ABCA13: variants seen among roughly 807,000 people sequenced by gnomAD.
ABCA13 encodes ATP-binding cassette sub-family A member 13.
ABCA13 carries 476 observed loss-of-function variants against 478.7 expected under a neutral mutation model. The observed-to-expected ratio is 0.99, with a 90% confidence interval of 0.92 to 1.07. The LOEUF is 1.07. Ranked by LOEUF, ABCA13 falls within the 50% of genes least tolerant of loss-of-function variation. ABCA13 has a pLI of 0.00. For missense variants in ABCA13, 6,060 were observed against 5,910.6 expected (o/e 1.03, Z -0.83); for synonymous variants, 2,252 against 2,158.9 (o/e 1.04, Z -1.20).
chr7:48,196,591 A>G (rs759802812), intron 2 of ABCA13, among the ~76,000 whole-genome samples: 3 of 152,180 alleles, frequency 2.0e-5, no homozygotes, highest in Non-Finnish European at 2.9e-5. Context: ...GCAATGACTA[A>G]AAAATGCCCA....
intron 45 of ABCA13, among the ~76,000 whole-genome samples, chr7:48,479,011 G>C (rs191482972): frequency 0.014 from 1,904 of 140,720 alleles, 43 homozygotes; most frequent in African/African-American, 0.048. Context: ...GCAGTGGCGC[G>C]ATCTTGGCTC....
At chr7:48,216,526 C>T (rs1562798267) in intron 3 of ABCA13, among the ~76,000 whole-genome samples, 1 of 152,148 alleles carries the variant, frequency 6.6e-6, no homozygotes, top group East Asian at 1.9e-4. Flanking sequence ...CACATCTTTC[C>T]CCCCCATTTT....
intron 15 of ABCA13, among the ~76,000 whole-genome samples, chr7:48,264,044 G>T (rs1436718521): frequency 6.6e-6 from 1 of 151,834 alleles, no homozygotes; most frequent in African/African-American, 2.4e-5. Context: ...ATGGACATAT[G>T]CAGTATGTAC....
Position 48,615,273 on chromosome 7 carries a change from CCTT to C in ABCA13, c.14745-8_14745-6del, listed in dbSNP as rs1217940732. The C allele has an allele frequency of 4.1e-6, 6 of 1,454,214 alleles. No individual in the cohort carries two copies. The African/African-American group carries it at 8.4e-5, about 20-fold the overall frequency. 90.1% of individuals were successfully genotyped at this position (1,454,214 alleles called of 1,614,324 possible). A position where few individuals can be genotyped will look rare whatever the true frequency, so the allele number is the denominator to read the frequency against. ...GAAATGGCTCATTTTTGTCTCTTTT[CCTT>C]CTTTACAGCATGGAGGAGTGTGAGG... is the stretch of plus-strand genomic sequence containing the variant. On this transcript the variant is annotated splice_polypyrimidine_tract_variant and intron_variant, in intron 58 of 61. Transcript: ENST00000435803.
chr7:48,188,173 A>G (rs1305403076), intron 1 of ABCA13, among the ~76,000 whole-genome samples: 2 of 152,208 alleles, frequency 1.3e-5, no homozygotes, highest in Non-Finnish European at 2.9e-5. Flanking sequence ...CTGAGATGCA[A>G]TACAACCTTT....
At chr7:48,626,968 G>A in intron 59 of ABCA13, 1 of 985,398 alleles carries the variant, frequency 1.0e-6, no homozygotes, top group Non-Finnish European at 1.2e-6. Flanking sequence ...TTGAGACGGA[G>A]GAATAAGTAG....
At chr7:48,330,756 T>C (rs947991157) in intron 27 of ABCA13, among the ~76,000 whole-genome samples, 1 of 151,784 alleles carries the variant, frequency 6.6e-6, no homozygotes, top group Admixed American at 6.6e-5. Context: ...CATCCATCCA[T>C]CCATCCATCC....
chr7:48,223,744 G>A (rs934391670), intron 5 of ABCA13, among the ~76,000 whole-genome samples: 5 of 151,978 alleles, frequency 3.3e-5, no homozygotes, highest in African/African-American at 1.2e-4. Flanking sequence ...ATCACCTAAG[G>A]TCAGGAGTTC....
chr7:48,570,871 A>G (rs577262964), intron 55 of ABCA13, among the ~76,000 whole-genome samples: 3 of 152,098 alleles, frequency 2.0e-5, no homozygotes, highest in African/African-American at 7.2e-5. Context: ...TATATTTTTC[A>G]TTCCTCTGTT....
At chr7:48,402,032 C>G (rs549426191) in intron 38 of ABCA13, among the ~76,000 whole-genome samples, 87 of 152,264 alleles carry the variant, frequency 5.7e-4, no homozygotes, top group African/African-American at 2.1e-3. Context: ...CTGTGAAGGA[C>G]TGCACAGGTG....
At chr7:48,389,244 A>C (rs1815671024) in intron 37 of ABCA13, 24 bp downstream of exon 37, 2 of 1,591,378 alleles carry the variant, frequency 1.3e-6, no homozygotes, top group Non-Finnish European at 8.6e-7. Context: ...TACCCTTATC[A>C]AACACTGGGC....
intron 19 of ABCA13, among the ~76,000 whole-genome samples, chr7:48,286,421 T>C (rs1212758388): frequency 6.6e-6 from 1 of 152,162 alleles, no homozygotes. Context: ...TGAGTTGAAA[T>C]CATACAATAT....
chr7:48,242,541 G>A (rs1306146017), intron 10 of ABCA13, among the ~76,000 whole-genome samples: 1 of 152,152 alleles, frequency 6.6e-6, no homozygotes, highest in East Asian at 1.9e-4. Flanking sequence ...AGACTCAAGC[G>A]ATTCTCCTGC....
intron 55 of ABCA13, among the ~76,000 whole-genome samples, chr7:48,531,503 G>A (rs1452602533): frequency 6.6e-6 from 1 of 151,726 alleles, no homozygotes; most frequent in Non-Finnish European, 1.5e-5. Context: ...ATGAATTTTA[G>A]GATTTTTTTT....
chr7:48,187,751 A>G (rs1002590332), intron 1 of ABCA13, among the ~76,000 whole-genome samples: 18 of 150,364 alleles, frequency 1.2e-4, no homozygotes, highest in Admixed American at 5.9e-4. Context: ...TTTTTTACTT[A>G]TTTGTTTATA....
intron 27 of ABCA13, among the ~76,000 whole-genome samples, chr7:48,332,007 T>C (rs1184003606): frequency 6.6e-6 from 1 of 152,216 alleles, no homozygotes; most frequent in Non-Finnish European, 1.5e-5. Flanking sequence ...ATGTAACCAT[T>C]TGGGATTGAC....
At position 48,275,911 on chromosome 7, in the gene ABCA13, T is replaced by C; in HGVS notation, c.6245T>C (p.Met2082Thr). ...DFRIRHLLSE[M>T]NKGIKSINSM... ...AGAATCAGACACCTGCTTTCTGAAATGAACAAAGGAATCAAAAGTATAAAT... is the reference window on the plus strand; with the variant it reads ...AGAATCAGACACCTGCTTTCTGAAACGAACAAAGGAATCAAAAGTATAAAT... Residue 2082 changes from methionine to threonine, a missense_variant, in exon 17 of 62, where the codon ATG (methionine) becomes ACG (threonine). Physicochemically the swap from Met to Thr is moderately conservative, Grantham distance 81. Around this residue, in one of 3 missense-constraint regions of ABCA13, gnomAD observed 4,423 missense variants for 4,309.1 expected, o/e 1.03. Transcript: ENST00000435803. 1 of 1,613,646 alleles carries C rather than the reference T, an allele frequency of 6.2e-7. No individual in the cohort carries two copies. Among genetic ancestry groups the C allele is most frequent in the Non-Finnish European group, 8.5e-7 (1 of 1,179,796 alleles).
intron 55 of ABCA13, among the ~76,000 whole-genome samples, chr7:48,552,052 GT>G (rs1785376174): frequency 6.6e-6 from 1 of 151,802 alleles, no homozygotes; most frequent in South Asian, 2.1e-4. Flanking sequence ...AGGCTTAGTA[GT>G]ATTTTCATTT....
chr7:48,445,834 A>G (rs979837860), intron 42 of ABCA13, among the ~76,000 whole-genome samples: 2 of 152,098 alleles, frequency 1.3e-5, no homozygotes, highest in Non-Finnish European at 2.9e-5. Context: ...TAAACCTGGA[A>G]TATAGGTTTC....
Sources: allele counts gnomAD v4.1 joint callset (sites outside exome capture counted in the v4.1 genomes callset), GRCh38; gene constraint gnomAD v4.1.1; regional missense constraint gnomAD v4.1.1; transcripts MANE v1.5; gene names NCBI Gene and HGNC (gene_info 2026-07-23, HGNC 2026-07-21).